The following SLC16A9 variants were observed in gnomAD, a reference collection of about 807,000 sequenced individuals.
SLC16A9 encodes the protein solute carrier family 16 member 9.
SLC16A9 carries 26 observed loss-of-function variants against 44.3 expected under a neutral mutation model. The observed-to-expected ratio is 0.59, with a 90% CI of 0.43 to 0.81. The LOEUF is 0.81. Among genes scored for constraint, SLC16A9 ranks in the 40% least tolerant of loss-of-function variants. SLC16A9 has a pLI of 0.00. For synonymous variants in SLC16A9, 230 were observed against 225.1 expected, an observed-to-expected ratio of 1.02 and a Z score of -0.19; for missense variants, 559 against 595.8, an observed-to-expected ratio of 0.94 and a Z score of 0.64.
chr10:59,694,374 A>T (rs1840322374), intron 1 of SLC16A9, among the ~76,000 whole-genome samples: 2 of 152,206 alleles, frequency 1.3e-5, no homozygotes, highest in Admixed American at 1.3e-4. Context: ...GTAAGAAAAG[A>T]AAAAAGAGGA....
intron 3 of SLC16A9, among the ~76,000 whole-genome samples, chr10:59,667,845 G>C (rs1039635243): frequency 2.6e-5 from 4 of 152,290 alleles, no homozygotes; most frequent in Non-Finnish European, 5.9e-5. Flanking sequence ...GTAAGGCATA[G>C]TTGTTTCCCT....
At chr10:59,677,265 A>C (rs1253145080) in intron 2 of SLC16A9, among the ~76,000 whole-genome samples, 1 of 152,046 alleles carries the variant, frequency 6.6e-6, no homozygotes, top group Non-Finnish European at 1.5e-5. Context: ...TTAAAAAAAA[A>C]AAAATTATAG....
At chr10:59,661,722 G>A (rs1414063462) in intron 4 of SLC16A9, among the ~76,000 whole-genome samples, 1 of 152,018 alleles carries the variant, frequency 6.6e-6, no homozygotes, top group African/African-American at 2.4e-5. Flanking sequence ...CAAAGCTGAA[G>A]GCTTCACACT....
Position 59,654,097 on chromosome 10 carries a change from A to C in SLC16A9, c.929T>G (p.Phe310Cys). ...LFKNKVFSALFIAILLFDIGG... is the reference protein window; with the variant it reads ...LFKNKVFSALCIAILLFDIGG... ...GATGTCAAAGAGTAAGATAGCAATG[A>C]AAAGGGCTGAAAATACTTTGTTTTT... Residue 310 changes from phenylalanine to cysteine, a missense_variant, in exon 5 of 6, where the codon TTC (phenylalanine) becomes TGC (cysteine). Coordinates refer to ENST00000395348, the MANE Select transcript of SLC16A9 (RefSeq NM_194298.3). The C allele has an allele frequency of 4.3e-6, 7 of 1,614,134 alleles. No homozygotes were observed. The highest frequency in any genetic ancestry group is 5.1e-6 in the Non-Finnish European group (6 of 1,180,028).
intron 1 of SLC16A9, among the ~76,000 whole-genome samples, chr10:59,695,284 T>C (rs1840347703): frequency 1.3e-5 from 2 of 152,114 alleles, no homozygotes; most frequent in African/African-American, 4.8e-5. Flanking sequence ...ATCAAGGAAT[T>C]ATACACTTTA....
At chr10:59,675,588 G>T (rs1237071530) in intron 2 of SLC16A9, among the ~76,000 whole-genome samples, 1 of 152,164 alleles carries the variant, frequency 6.6e-6, no homozygotes, top group African/African-American at 2.4e-5. Context: ...AAGATCTCAG[G>T]AGTTGGACAA....
At chr10:59,667,896 A>G (rs1005631536) in intron 3 of SLC16A9, among the ~76,000 whole-genome samples, 2 of 152,194 alleles carry the variant, frequency 1.3e-5, no homozygotes, top group African/African-American at 4.8e-5. Flanking sequence ...ACATGTTGTA[A>G]CATTTCTTTT....
At chr10:59,660,231 T>C (rs117103609) in intron 4 of SLC16A9, among the ~76,000 whole-genome samples, 21,202 of 151,524 alleles carry the variant, frequency 0.14, 1,569 homozygotes, top group East Asian at 0.22. Context: ...TTTGAAAAAA[T>C]TAACAAAATA....
Position 59,653,733 on chromosome 10 carries a change from G to A in SLC16A9, c.1293C>T (p.Ala431=). ...CAGCAAAGAACATTAATATCCCATA[G>A]GCATGGGCTAATTTTTCAATTCCCA... The part of the protein sequence containing the change: ...KTVGIEKLAH[A]YGILMFFAGL... Residue 431 remains alanine, a synonymous_variant, in exon 5 of 6, where the codon GCC becomes GCT. Coordinates refer to ENST00000395348, the MANE Select transcript of SLC16A9 (RefSeq NM_194298.3). 3 of 1,614,068 alleles carry A rather than the reference G, an allele frequency of 1.9e-6. No homozygotes were observed. Among genetic ancestry groups the A allele is most frequent in the Middle Eastern group, 1.6e-4 (1 of 6,062 alleles).
In SLC16A9 at chr10:59,653,928, G is replaced by T. The variant is rs749848008; in HGVS notation, c.1098C>A (p.Phe366Leu). ...AAAGATACAAGGTATTAATCCACTTGAAGTCAGCCAGTATCCCTAAAAGCA... is the reference window on the plus strand; with the variant it reads ...AAAGATACAAGGTATTAATCCACTTTAAGTCAGCCAGTATCCCTAAAAGCA... The part of the protein sequence containing the change: ...GKLLLGILAD[F>L]KWINTLYLYV... Residue 366 changes from phenylalanine to leucine, a missense_variant, in exon 5 of 6, where the codon TTC becomes TTA. Phe to Leu is a conservative substitution (Grantham distance 22). Transcript: ENST00000395348. 5.0e-6 allele frequency: 8 copies of T among 1,614,068 alleles called. No homozygotes were observed. Among genetic ancestry groups the T allele is most frequent in the Non-Finnish European group, 6.8e-6 (8 of 1,180,022 alleles).
intron 2 of SLC16A9, among the ~76,000 whole-genome samples, chr10:59,676,295 CAA>C (rs1839856316): frequency 6.6e-6 from 1 of 152,142 alleles, no homozygotes; most frequent in Non-Finnish European, 1.5e-5. Flanking sequence ...CAAAATGTAT[CAA>C]AGTGACCATC....
chr10:59,652,838 T>C lies in SLC16A9; in HGVS notation c.1464A>G (p.Thr488=), dbSNP rs769593897. Residue 488 remains threonine (T), a synonymous_variant, in exon 6 of 6, where the codon ACA becomes ACG. Coordinates refer to ENST00000395348, the MANE Select transcript of SLC16A9 (RefSeq NM_194298.3). ...CTGGCTTGGGGAGTTGCTTGTTGCA[T>C]GTATCCCAAGAGGGCAAGGCTGCCA... ...LLLAALPSWD[T]CNKQLPKPAP... The C allele has an allele frequency of 2.5e-6, 4 of 1,613,998 alleles. No homozygotes were observed. The Admixed American group carries it at 5.0e-5, about 20-fold the overall frequency.
In SLC16A9 at chr10:59,681,814, A is replaced by G. The variant is rs1297386279; in HGVS notation, c.196+2282T>C. Among the ~76,000 whole-genome samples, 17 of 36,712 alleles carry G rather than the reference A, an allele frequency of 4.6e-4. 2 individuals are homozygous for G. The highest frequency in any genetic ancestry group is 1.8e-3 in the African/African-American group (17 of 9,690). 24.1% of individuals were successfully genotyped at this position (36,712 alleles called of 152,430 possible). ...TATGTATATGTATATGTATATGTATATATGATGTATATGTATATGTATATG... is the reference window on the plus strand; with the variant it reads ...TATGTATATGTATATGTATATGTATGTATGATGTATATGTATATGTATATG... On this transcript the variant is annotated intron_variant, in intron 2 of 5. Coordinates refer to ENST00000395348, the MANE Select transcript of SLC16A9 (RefSeq NM_194298.3).
chr10:59,686,160 T>C (rs2132499330), intron 1 of SLC16A9, among the ~76,000 whole-genome samples: 1 of 152,336 alleles, frequency 6.6e-6, no homozygotes, highest in South Asian at 2.1e-4. Flanking sequence ...TTCTGTTCCA[T>C]TGGTCTGTCT....
In SLC16A9 at chr10:59,700,713, GCTTCCTCAC is replaced by G. The variant is rs1446661988; in HGVS notation, c.-37+8757_-37+8765del. 2.0e-5 allele frequency among the ~76,000 whole-genome samples: 3 copies of G among 152,288 alleles called. No homozygotes were observed. In the East Asian group the frequency reaches 5.8e-4, roughly 29 times the overall value. ...ATGAAAGGGTACTCTCCCTACCTCT[GCTTCCTCAC>G]CTTCTCATCATTCCTCTACTCAGTG... On this transcript the variant is annotated intron_variant, in intron 1 of 5. Transcript: ENST00000395348.
chr10:59,701,193 C>A (rs754803341), intron 1 of SLC16A9, among the ~76,000 whole-genome samples: 1 of 152,184 alleles, frequency 6.6e-6, no homozygotes, highest in Non-Finnish European at 1.5e-5. Context: ...TTCCTTGAAT[C>A]CCAGCTACCC....
chr10:59,655,118 C>G (rs1040589253), intron 4 of SLC16A9, among the ~76,000 whole-genome samples: 1 of 151,994 alleles, frequency 6.6e-6, no homozygotes, highest in Non-Finnish European at 1.5e-5. Context: ...GGTGAAACCC[C>G]GTCTCTACTA....
At chr10:59,694,305 A>T (rs997812208) in intron 1 of SLC16A9, among the ~76,000 whole-genome samples, 2 of 152,196 alleles carry the variant, frequency 1.3e-5, no homozygotes, top group Admixed American at 1.3e-4. Flanking sequence ...TGTCTCAGAA[A>T]TCAAGATGGG....
At chr10:59,675,395 C>T (rs1373233491) in intron 2 of SLC16A9, among the ~76,000 whole-genome samples, 2 of 152,206 alleles carry the variant, frequency 1.3e-5, no homozygotes, top group Admixed American at 6.5e-5. Flanking sequence ...GGTAGTTAGG[C>T]AGACATGAGC....
Sources: allele counts gnomAD v4.1 joint callset (sites outside exome capture counted in the v4.1 genomes callset), GRCh38; gene constraint gnomAD v4.1.1; transcripts MANE v1.5; gene names NCBI Gene and HGNC (gene_info 2026-07-23, HGNC 2026-07-21).